TCEANC2: variants seen among roughly 807,000 people sequenced by gnomAD.
TCEANC2 encodes the protein transcription elongation factor A N-terminal and central domain containing 2, also known as transcription elongation factor A N-terminal and central domain-containing protein 2.
TCEANC2 carries 20 observed loss-of-function variants against 22.8 expected under a neutral mutation model. The ratio of observed to expected loss-of-function variants is 0.88; its 90% CI spans 0.62 to 1.28. The LOEUF (loss-of-function observed/expected upper bound fraction) is 1.28. Among genes scored for constraint, TCEANC2 ranks in the 50% most tolerant of loss-of-function variants. The pLI, the probability that TCEANC2 is intolerant of heterozygous loss-of-function variation, is 0.00. For missense variants in TCEANC2, 251 were observed against 249.7 expected (o/e 1.01, Z -0.03); for synonymous variants, 84 against 95.5 (o/e 0.88, Z 0.70).
chr1:54,093,706 T>G (rs1004294598), intron 4 of TCEANC2, among the ~76,000 whole-genome samples: 1 of 151,024 alleles, frequency 6.6e-6, no homozygotes, highest in African/African-American at 2.4e-5. Flanking sequence ...GAATGAAGTA[T>G]GTGAATTCCA....
chr1:54,055,538 A>G (rs1252111226), intron 2 of TCEANC2, among the ~76,000 whole-genome samples: 2 of 152,114 alleles, frequency 1.3e-5, no homozygotes, highest in African/African-American at 4.8e-5. Context: ...GAGTTCTGTC[A>G]CATTTTATGT....
At chr1:54,068,380 T>C (rs998606222) in intron 2 of TCEANC2, among the ~76,000 whole-genome samples, 9 of 152,244 alleles carry the variant, frequency 5.9e-5, no homozygotes, top group Non-Finnish European at 1.2e-4. Context: ...CATAAACATG[T>C]CTATGACTTC....
Position 54,077,229 on chromosome 1 carries a change from C to T in TCEANC2, c.244+8332C>T, listed in dbSNP as rs140840801. Among the ~76,000 whole-genome samples, 158 of 152,304 alleles carry T rather than the reference C, an allele frequency of 1.0e-3. 1 individual carries two copies. The highest frequency in any genetic ancestry group is 3.6e-3 in the African/African-American group (150 of 41,564). On this transcript the variant is annotated intron_variant, in intron 3 of 4. Transcript: ENST00000234827. ...GCCACCCTTATCCTCTCCACTGGCT[C>T]GCTCTTTCTGCTTTCAGACAAGCAC...
intron 3 of TCEANC2, among the ~76,000 whole-genome samples, chr1:54,072,505 T>C (rs1410647193): frequency 6.6e-6 from 1 of 152,054 alleles, no homozygotes; most frequent in African/African-American, 2.4e-5. Flanking sequence ...CCAGCAATTC[T>C]CCTGCCTCAG....
At chr1:54,060,143 C>T (rs1016285308) in intron 2 of TCEANC2, among the ~76,000 whole-genome samples, 2 of 152,126 alleles carry the variant, frequency 1.3e-5, no homozygotes, top group Non-Finnish European at 2.9e-5. Context: ...CGCAGTGGCT[C>T]ACACCTGTAA....
At chr1:54,090,815 C>T (rs561885245) in intron 4 of TCEANC2, among the ~76,000 whole-genome samples, 12 of 152,082 alleles carry the variant, frequency 7.9e-5, no homozygotes, top group South Asian at 2.1e-4. Context: ...ATATATAATA[C>T]GTAGTTAATG....
intron 2 of TCEANC2, among the ~76,000 whole-genome samples, chr1:54,062,053 T>C (rs1175501260): frequency 6.6e-6 from 1 of 152,212 alleles, no homozygotes; most frequent in East Asian, 1.9e-4. Context: ...GGTTCATCAC[T>C]TCAGAAGGTT....
At chr1:54,107,140 T>G (rs1658771705), downstream of TCEANC2, among the ~76,000 whole-genome samples, 1 of 152,226 alleles carries the variant, frequency 6.6e-6, no homozygotes, top group South Asian at 2.1e-4. Flanking sequence ...CTGTCTATCC[T>G]GTCTCCTCTG....
At chr1:54,071,814 T>C (rs1658060165) in intron 3 of TCEANC2, among the ~76,000 whole-genome samples, 1 of 152,030 alleles carries the variant, frequency 6.6e-6, no homozygotes, top group Non-Finnish European at 1.5e-5. Flanking sequence ...TATCTTTTAT[T>C]TTTATTTTTT....
chr1:54,084,669 C>T (rs1481018692), intron 3 of TCEANC2, among the ~76,000 whole-genome samples: 4 of 151,982 alleles, frequency 2.6e-5, no homozygotes, highest in Non-Finnish European at 4.4e-5. Context: ...CGAGACCAGC[C>T]TGGCCAACAT....
rs1658700977 is a variant in TCEANC2, at chr1:54,103,825, T to A, written c.*7352T>A. 6.6e-6 allele frequency: 1 copy of A among 152,202 alleles called. No individual in the cohort carries two copies. The highest frequency in any genetic ancestry group is 2.4e-5 in the African/African-American group (1 of 41,408). The allele number at this position is 152,202 out of a possible 1,614,324, so 9.4% of individuals were successfully genotyped here. On this transcript the variant is annotated 3_prime_UTR_variant, in exon 5 of 5. Coordinates refer to ENST00000234827, the MANE Select transcript of TCEANC2 (RefSeq NM_153035.3). ...GTATATTCCAGATACGAGTTCATCT[T>A]CACTGCTTGTAGAGCTTCATCCAGC...
intron 2 of TCEANC2, among the ~76,000 whole-genome samples, chr1:54,064,488 C>T (rs916495510): frequency 2.0e-5 from 3 of 152,112 alleles, no homozygotes; most frequent in African/African-American, 4.8e-5. Flanking sequence ...ACTTGGCTTA[C>T]ACCCTAAGTA....
At position 54,098,449 on chromosome 1, in the gene TCEANC2, A is replaced by C. The variant is rs1458379297; in HGVS notation, c.*1976A>C. 6.6e-6 allele frequency: 1 copy of C among 152,244 alleles called. No individual in the cohort carries two copies. The highest frequency in any genetic ancestry group is 1.5e-5 in the Non-Finnish European group (1 of 68,056). The allele number at this position is 152,244 out of a possible 1,614,324, so 9.4% of individuals were successfully genotyped here. On this transcript the variant is annotated 3_prime_UTR_variant, in exon 5 of 5. Transcript: ENST00000234827. ...TAGGTCTCTCTTTCCCTTATCAAAA[A>C]GGCTTTTGCTGACTATCCTAAATAC...
chr1:54,077,972 G>T (rs530308887), intron 3 of TCEANC2, among the ~76,000 whole-genome samples: 1 of 152,154 alleles, frequency 6.6e-6, no homozygotes, highest in African/African-American at 2.4e-5. Flanking sequence ...GATACCTCTT[G>T]GATATGCATC....
intron 3 of TCEANC2, among the ~76,000 whole-genome samples, chr1:54,087,940 T>C (rs967838756): frequency 2.0e-5 from 3 of 152,234 alleles, no homozygotes; most frequent in Admixed American, 6.5e-5. Flanking sequence ...ACTGGGTTAT[T>C]GTTCTTTTTC....
At position 54,091,942 on chromosome 1, in the gene TCEANC2, G is replaced by A. The variant is rs1658454309; in HGVS notation, c.438+3152G>A. On this transcript the variant is annotated intron_variant, in intron 4 of 4. Coordinates refer to ENST00000234827, the MANE Select transcript of TCEANC2 (RefSeq NM_153035.3). ...ATTAAGAGTTATGAAACACTGGCTGGTTGGCTCAGTTGGTTGTCAGATGGT... is the reference window on the plus strand; with the variant it reads ...ATTAAGAGTTATGAAACACTGGCTGATTGGCTCAGTTGGTTGTCAGATGGT... Among the ~76,000 whole-genome samples the A allele has an allele frequency of 2.0e-5, 3 of 152,204 alleles. No individual in the cohort carries two copies. The South Asian group carries it at 6.2e-4, about 31-fold the overall frequency.
chr1:54,089,234 G>A (rs2100381862), intron 4 of TCEANC2, among the ~76,000 whole-genome samples: 1 of 152,284 alleles, frequency 6.6e-6, no homozygotes, highest in Admixed American at 6.5e-5. Flanking sequence ...ATGGATGTTG[G>A]TTACTTCCCA....
At position 54,104,557 on chromosome 1, in the gene TCEANC2, T is replaced by C. The variant is rs1272743673; in HGVS notation, c.*8084T>C. The stretch of plus-strand genomic sequence containing the variant: ...TTTGCCCAATTTTTTTTTCTTTTTC[T>C]TTTTCAGAGGTGGAGTCTCTGTCAC... On this transcript the variant is annotated 3_prime_UTR_variant, in exon 5 of 5. Transcript: ENST00000234827. 2.2e-6 allele frequency: 1 copy of C among 455,084 alleles called. No individual in the cohort carries two copies. Among genetic ancestry groups the C allele is most frequent in the South Asian group, 1.6e-5 (1 of 64,330 alleles). The allele number at this position is 455,084 out of a possible 1,614,324, so 28.2% of individuals were successfully genotyped here.
intron 2 of TCEANC2, among the ~76,000 whole-genome samples, chr1:54,056,158 C>T (rs1657748229): frequency 6.6e-6 from 1 of 152,122 alleles, no homozygotes; most frequent in African/African-American, 2.4e-5. Context: ...ACTGTCTCTA[C>T]CTTGTCAGAA....
Sources: gnomAD v4.1 joint callset for allele counts (sites outside exome capture counted in the v4.1 genomes callset) on GRCh38, gnomAD v4.1.1 for gene constraint, MANE v1.5 for transcripts, NCBI Gene and HGNC (gene_info 2026-07-23, HGNC 2026-07-21) for gene names.